Variants in DLC1 observed in about 807,000 individuals in gnomAD.
The protein encoded by DLC1 is rho GTPase-activating protein 7.
A neutral mutation model predicts 140.3 loss-of-function variants in DLC1; 54 were observed. That is an observed-to-expected ratio of 0.38 (90% CI 0.31 to 0.48). The LOEUF is 0.48. Among genes scored for constraint, DLC1 ranks in the 20% least tolerant of loss-of-function variants. DLC1 has a pLI of 0.96. For synonymous variants in DLC1, 986 were observed against 728.1 expected, an observed-to-expected ratio of 1.35 and a Z score of -5.70; for missense variants, 2,536 against 1,907.0, an observed-to-expected ratio of 1.33 and a Z score of -6.14.
chr8:13,368,319 TC>T (rs1295679792), intron 4 of DLC1, among the ~76,000 whole-genome samples: 1 of 152,064 alleles, frequency 6.6e-6, no homozygotes, highest in Non-Finnish European at 1.5e-5. Flanking sequence ...TTTCTTCCCT[TC>T]CCCCGCTTTC....
At chr8:13,574,382 G>T (rs533886330) in intron 1 of DLC1, among the ~76,000 whole-genome samples, 4 of 151,930 alleles carry the variant, frequency 2.6e-5, no homozygotes, top group Non-Finnish European at 5.9e-5. Context: ...AATTCTTAAC[G>T]CTCAAACTTA....
intron 4 of DLC1, among the ~76,000 whole-genome samples, chr8:13,351,328 T>G (rs1315237288): frequency 6.6e-6 from 1 of 152,220 alleles, no homozygotes; most frequent in Non-Finnish European, 1.5e-5. Context: ...TGTCACAAAC[T>G]AGGAAACAGT....
chr8:13,598,970 A>T (rs1805774539), intron 1 of DLC1, among the ~76,000 whole-genome samples: 1 of 151,942 alleles, frequency 6.6e-6, no homozygotes, highest in African/African-American at 2.4e-5. Context: ...CTATAGTTAT[A>T]CTCTGAGAAA....
chr8:13,537,167 A>G (rs1332980555), intron 1 of DLC1, among the ~76,000 whole-genome samples: 1 of 152,182 alleles, frequency 6.6e-6, no homozygotes, highest in Non-Finnish European at 1.5e-5. Context: ...GCAGAAATTC[A>G]TGCTAGAAAA....
At chr8:13,496,786 CTTTTTTTTTTTTTTTT>C (rs869192950) in intron 2 of DLC1, among the ~76,000 whole-genome samples, 1 of 23,486 alleles carries the variant, frequency 4.3e-5, no homozygotes, top group African/African-American at 1.2e-4. Context: ...AGACCATTTC[CTTTTTTTTTTTTTTTT>C]TTTTTTTTTT....
chr8:13,101,855 C>A (rs1819121317), intron 8 of DLC1, among the ~76,000 whole-genome samples: 1 of 152,182 alleles, frequency 6.6e-6, no homozygotes, highest in African/African-American at 2.4e-5. Context: ...GTCACACGGA[C>A]TATTGCATCT....
intron 5 of DLC1, among the ~76,000 whole-genome samples, chr8:13,173,237 G>C (rs1825579295): frequency 6.6e-6 from 1 of 152,050 alleles, no homozygotes; most frequent in Non-Finnish European, 1.5e-5. Flanking sequence ...GCAGGATCCA[G>C]GTCTCTTCAG....
intron 5 of DLC1, among the ~76,000 whole-genome samples, chr8:13,207,563 G>C (rs114306003): frequency 0.016 from 2,441 of 151,926 alleles, 60 homozygotes; most frequent in African/African-American, 0.056. Context: ...AGTTTCTTTT[G>C]GCCCTATTAA....
intron 1 of DLC1, chr8:13,567,388 A>T (rs899551215): frequency 1.5e-5 from 24 of 1,551,686 alleles, no homozygotes; most frequent in Non-Finnish European, 2.1e-5. Context: ...GATAAATTTG[A>T]TTCATCGTAG....
chr8:13,386,295 G>T (rs1369970947), intron 4 of DLC1, among the ~76,000 whole-genome samples: 2 of 151,786 alleles, frequency 1.3e-5, no homozygotes, highest in Non-Finnish European at 2.9e-5. Flanking sequence ...ATTTCTTTTG[G>T]TTTTATGAAT....
chr8:13,566,585 C>T (rs1294925036), intron 1 of DLC1, among the ~76,000 whole-genome samples: 1 of 152,204 alleles, frequency 6.6e-6, no homozygotes, highest in Non-Finnish European at 1.5e-5. Flanking sequence ...CGTACACGTT[C>T]GGATTTGTCA....
intron 2 of DLC1, among the ~76,000 whole-genome samples, chr8:13,453,879 G>A (rs1799269702): frequency 6.6e-6 from 1 of 151,932 alleles, no homozygotes; most frequent in Admixed American, 6.6e-5. Context: ...GTAAATAAAT[G>A]TATTTGAAGT....
At chr8:13,497,258 A>G (rs1333784333) in intron 2 of DLC1, among the ~76,000 whole-genome samples, 2 of 152,166 alleles carry the variant, frequency 1.3e-5, no homozygotes, top group South Asian at 4.1e-4. Context: ...ATTCAATGGT[A>G]TTTTAACACT....
upstream of DLC1, among the ~76,000 whole-genome samples, chr8:13,515,304 A>T (rs1457851755): frequency 6.6e-6 from 1 of 152,190 alleles, no homozygotes; most frequent in Non-Finnish European, 1.5e-5. Flanking sequence ...TAAAATTGGA[A>T]ATGCTGCAGC....
rs1563173975 is a variant in DLC1 at position 13,218,999 on chromosome 8, A to AATATAATTATATAATTATATACGT, written c.1348+86246_1348+86269dup. On this transcript the variant is annotated intron_variant, in intron 5 of 17. Transcript: ENST00000276297. ...GTATATAACTATATAATTATATACG[A>AATATAATTATATAATTATATACGT]ATATAATTATATAATTATATACGTA... Among the ~76,000 whole-genome samples, 178 of 88,600 alleles carry AATATAATTATATAATTATATACGT rather than the reference A, an allele frequency of 2.0e-3. 16 individuals carry two copies. Among genetic ancestry groups the AATATAATTATATAATTATATACGT allele is most frequent in the Non-Finnish European group, 2.0e-3 (97 of 48,350 alleles). The allele number at this position is 88,600 out of a possible 152,430, so 58.1% of individuals were successfully genotyped here. A position where few individuals can be genotyped will look rare whatever the true frequency, so the allele number is the denominator to read the frequency against.
intron 1 of DLC1, among the ~76,000 whole-genome samples, chr8:13,550,316 T>C (rs1173841225): frequency 2.0e-5 from 3 of 152,148 alleles, no homozygotes. Context: ...AGGTCCTTGC[T>C]TCCCCTTTGT....
intron 4 of DLC1, among the ~76,000 whole-genome samples, chr8:13,309,385 A>T (rs1213710976): frequency 1.3e-5 from 2 of 151,822 alleles, no homozygotes; most frequent in Non-Finnish European, 2.9e-5. Context: ...GCTCCCAACC[A>T]CTCCAACCCT....
intron 1 of DLC1, among the ~76,000 whole-genome samples, chr8:13,538,514 C>G (rs145661940): frequency 1.1e-3 from 167 of 152,156 alleles, no homozygotes; most frequent in African/African-American, 3.9e-3. Flanking sequence ...TCCTCTTGTT[C>G]TGTGTGGCTC....
At chr8:13,140,279 C>T (rs1822883622) in intron 5 of DLC1, among the ~76,000 whole-genome samples, 1 of 152,140 alleles carries the variant, frequency 6.6e-6, no homozygotes, top group African/African-American at 2.4e-5. Flanking sequence ...GTTACCCAGG[C>T]TAGAGTGCAG....
Sources: allele counts gnomAD v4.1 joint callset (sites outside exome capture counted in the v4.1 genomes callset), GRCh38; gene constraint gnomAD v4.1.1; transcripts MANE v1.5; gene names NCBI Gene and HGNC (gene_info 2026-07-23, HGNC 2026-07-21).